Variants in HDAC9 observed in about 807,000 individuals in gnomAD.
The protein encoded by HDAC9 is MEF-2 interacting transcription repressor (MITR) protein.
Under a neutral mutation model 139.4 loss-of-function variants are expected in HDAC9, and 41 were observed. That is an observed-to-expected ratio of 0.29 (90% CI 0.23 to 0.38). The LOEUF is 0.38. HDAC9 is among the 10% of genes least tolerant of loss of function. The probability of loss-of-function intolerance (pLI) is 1.00; values close to 1 mark genes in which losing one functional copy is unlikely to be tolerated. For synonymous variants in HDAC9, 517 were observed against 476.2 expected, an observed-to-expected ratio of 1.09 and a Z score of -1.12; for missense variants, 1,147 against 1,297.0, an observed-to-expected ratio of 0.88 and a Z score of 1.78.
At chr7:18,135,389 T>A (rs1785318226) in intron 1 of HDAC9, among the ~76,000 whole-genome samples, 1 of 147,028 alleles carries the variant, frequency 6.8e-6, no homozygotes, top group Non-Finnish European at 1.5e-5. Flanking sequence ...GCCATGCTGG[T>A]GCGCTGCACC....
intron 7 of HDAC9, among the ~76,000 whole-genome samples, chr7:18,633,144 A>G (rs963099323): frequency 6.6e-6 from 1 of 152,098 alleles, no homozygotes; most frequent in Non-Finnish European, 1.5e-5. Context: ...AAAGGGATAA[A>G]GTCACAAACT....
chr7:18,613,027 T>C, intron 6 of HDAC9, among the ~76,000 whole-genome samples: 1 of 149,570 alleles, frequency 6.7e-6, no homozygotes, highest in East Asian at 1.9e-4. Context: ...TGTTTATAAT[T>C]AGATATATTT....
rs145461324 is a variant in HDAC9 at position 18,529,820 on chromosome 7, C to G, written c.22+33496C>G. On this transcript the variant is annotated intron_variant, in intron 2 of 25. Transcript: ENST00000686413. ...TAAATCTTTATTGGTTTTCATTGAT[C>G]TGATGTGGTTCATGATTTTCCATGA... 1.4e-3 allele frequency among the ~76,000 whole-genome samples: 217 copies of G among 152,116 alleles called. 2 individuals carry two copies. Among genetic ancestry groups the G allele is most frequent in the African/African-American group, 5.0e-3 (207 of 41,496 alleles).
intron 2 of HDAC9, among the ~76,000 whole-genome samples, chr7:18,267,046 A>G (rs1370636502): frequency 6.6e-6 from 1 of 152,148 alleles, no homozygotes; most frequent in African/African-American, 2.4e-5. Flanking sequence ...CCATGTTATT[A>G]ATATAAATTG....
At chr7:18,493,736 A>G (rs1796529956), upstream of HDAC9, among the ~76,000 whole-genome samples, 1 of 151,910 alleles carries the variant, frequency 6.6e-6, no homozygotes, top group Non-Finnish European at 1.5e-5. Flanking sequence ...TGTCAAATAT[A>G]CCGCAATTTA....
chr7:18,551,181 A>T (rs1416027897), intron 2 of HDAC9, among the ~76,000 whole-genome samples: 2 of 152,212 alleles, frequency 1.3e-5, no homozygotes, highest in Non-Finnish European at 1.5e-5. Context: ...GCCAACAACC[A>T]ATATGGAGAA....
chr7:18,664,999 T>G (rs1794412137), intron 11 of HDAC9, among the ~76,000 whole-genome samples: 1 of 152,132 alleles, frequency 6.6e-6, no homozygotes, highest in Non-Finnish European at 1.5e-5. Context: ...CAAAGGACTT[T>G]GTTAGTGTGT....
At chr7:18,328,278 G>A (rs1165787412) in intron 1 of HDAC9, among the ~76,000 whole-genome samples, 1 of 151,834 alleles carries the variant, frequency 6.6e-6, no homozygotes, top group Non-Finnish European at 1.5e-5. Context: ...AAGAGTGCCC[G>A]TTATGTGTTG....
At chr7:18,655,332 C>A (rs1289147422) in intron 11 of HDAC9, among the ~76,000 whole-genome samples, 1 of 152,036 alleles carries the variant, frequency 6.6e-6, no homozygotes, top group African/African-American at 2.4e-5. Flanking sequence ...GAAAGGCAGT[C>A]TTAATTTTAT....
At chr7:18,763,227 G>T (rs1375255329) in intron 15 of HDAC9, among the ~76,000 whole-genome samples, 1 of 152,130 alleles carries the variant, frequency 6.6e-6, no homozygotes, top group African/African-American at 2.4e-5. Flanking sequence ...ACATACAGTA[G>T]GTAGGTATCT....
intron 1 of HDAC9, among the ~76,000 whole-genome samples, chr7:18,330,663 C>A (rs553217585): frequency 6.6e-6 from 1 of 151,390 alleles, no homozygotes; most frequent in East Asian, 1.9e-4. Context: ...AAATAAGTCA[C>A]TTTTGGTTTG....
At position 18,353,994 on chromosome 7, in the gene HDAC9, C is replaced by A. The variant is rs148127899; in HGVS notation, c.-42+63479C>A. 3.9e-5 allele frequency among the ~76,000 whole-genome samples: 6 copies of A among 152,178 alleles called. No homozygotes were observed. In the East Asian group the frequency reaches 1.2e-3, roughly 29 times the overall value. On this transcript the variant is annotated intron_variant, in intron 1 of 3. Transcript: ENST00000413509. ...AATGTTAGTGTATGCACATTCTAAG[C>A]CAAGGGTGGCTTTACCCTTTAAGTT... is the stretch of plus-strand genomic sequence containing the variant.
intron 25 of HDAC9, among the ~76,000 whole-genome samples, chr7:18,983,991 C>T (rs1225510241): frequency 3.3e-5 from 5 of 152,030 alleles, no homozygotes; most frequent in African/African-American, 1.2e-4. Context: ...ATCACTTCTT[C>T]TTCTTGAAAA....
At chr7:18,547,341 T>C (rs778446491) in intron 2 of HDAC9, among the ~76,000 whole-genome samples, 1 of 152,184 alleles carries the variant, frequency 6.6e-6, no homozygotes, top group Non-Finnish European at 1.5e-5. Flanking sequence ...GTTCAGGCCA[T>C]TCTCCTGCCT....
intron 2 of HDAC9, among the ~76,000 whole-genome samples, chr7:18,537,611 A>T (rs1811324981): frequency 6.6e-6 from 1 of 152,180 alleles, no homozygotes; most frequent in African/African-American, 2.4e-5. Context: ...AAAAACAATA[A>T]TTTAGTGGAA....
chr7:18,712,731 A>G (rs1007305600), intron 12 of HDAC9, among the ~76,000 whole-genome samples: 3 of 152,224 alleles, frequency 2.0e-5, no homozygotes, highest in African/African-American at 7.2e-5. Flanking sequence ...CATATTATTT[A>G]TATTGCTTAT....
At chr7:18,255,202 C>T (rs1362049498) in intron 2 of HDAC9, among the ~76,000 whole-genome samples, 1 of 152,140 alleles carries the variant, frequency 6.6e-6, no homozygotes, top group Non-Finnish European at 1.5e-5. Context: ...CCATAACTTC[C>T]AGCACAGAGC....
intron 22 of HDAC9, among the ~76,000 whole-genome samples, chr7:18,875,554 C>G (rs1451585690): frequency 6.6e-6 from 1 of 152,134 alleles, no homozygotes; most frequent in Admixed American, 6.5e-5. Flanking sequence ...TCTAATTGTT[C>G]TAGTAACATT....
chr7:18,494,943 G>A (rs977218401), upstream of HDAC9, among the ~76,000 whole-genome samples: 2 of 152,066 alleles, frequency 1.3e-5, no homozygotes, highest in African/African-American at 4.8e-5. Flanking sequence ...CCACGGTTTT[G>A]TGTTTTGTGT....
Sources: allele counts gnomAD v4.1 joint callset (sites outside exome capture counted in the v4.1 genomes callset), GRCh38; gene constraint gnomAD v4.1.1; transcripts MANE v1.5; gene names NCBI Gene and HGNC (gene_info 2026-07-23, HGNC 2026-07-21).